Variants in LCMT1 observed in about 807,000 individuals in gnomAD.
LCMT1 encodes leucine carboxyl methyltransferase 1.
In LCMT1, 32 loss-of-function variants were observed where a neutral mutation model predicts 47.7. That is an observed-to-expected ratio of 0.67 (90% CI 0.51 to 0.90). LCMT1 has a LOEUF of 0.90. LCMT1 is among the 40% of genes least tolerant of loss of function. The pLI, the probability that LCMT1 is intolerant of heterozygous loss-of-function variation, is 0.00. For missense variants in LCMT1, 375 were observed against 415.2 expected, an observed-to-expected ratio of 0.90 and a Z score of 0.84; for synonymous variants, 152 against 149.7, an observed-to-expected ratio of 1.02 and a Z score of -0.11.
chr16:25,154,909 T>G (rs916276284), intron 5 of LCMT1, among the ~76,000 whole-genome samples: 2 of 152,098 alleles, frequency 1.3e-5, no homozygotes, highest in Non-Finnish European at 1.5e-5. Context: ...TCTTTATAGT[T>G]TTTGATTGTG....
intron 7 of LCMT1, 52 bp from the exon 8 acceptor site, chr16:25,169,060 G>C: frequency 1.6e-6 from 2 of 1,235,514 alleles, no homozygotes; most frequent in Non-Finnish European, 2.4e-6. Context: ...GTTTTATTTT[G>C]CATATTTAGG....
chr16:25,112,099 G>A (rs1959638665), intron 1 of LCMT1, 103 bp downstream of exon 1: 2 of 779,668 alleles, frequency 2.6e-6, no homozygotes, highest in African/African-American at 1.7e-5. Context: ...CAGGGATGCA[G>A]CCCCCGCCTC....
intron 1 of LCMT1, 87 bp downstream of exon 1, chr16:25,112,083 G>C: frequency 1.1e-6 from 1 of 880,874 alleles, no homozygotes; most frequent in Non-Finnish European, 1.9e-6. Flanking sequence ...ATACGCTCAA[G>C]GCTGGCAGGG....
chr16:25,118,471 A>G (rs577131984), intron 1 of LCMT1, among the ~76,000 whole-genome samples: 34 of 152,240 alleles, frequency 2.2e-4, no homozygotes, highest in East Asian at 1.9e-3. Context: ...GACCCTGCCA[A>G]TGCAGAAGTG....
intron 1 of LCMT1, among the ~76,000 whole-genome samples, chr16:25,124,484 C>T (rs1960097371): frequency 6.6e-6 from 1 of 152,196 alleles, no homozygotes; most frequent in Admixed American, 6.5e-5. Context: ...TCAAGCCTGC[C>T]TTGTAGGATC....
chr16:25,140,007 A>C, intron 3 of LCMT1, 164 bp from the exon 4 acceptor site: 1 of 601,298 alleles, frequency 1.7e-6, no homozygotes, highest in Non-Finnish European at 3.0e-6. Flanking sequence ...TGCTTCCCTC[A>C]AATCTATTCT....
intron 1 of LCMT1, among the ~76,000 whole-genome samples, chr16:25,117,034 T>C (rs771233916): frequency 3.9e-5 from 6 of 152,098 alleles, no homozygotes; most frequent in Non-Finnish European, 8.8e-5. Context: ...GGTTAGAATT[T>C]AGAAAGCTGC....
At chr16:25,169,664 G>A (rs1961694227) in intron 8 of LCMT1, 1 of 158,124 alleles carries the variant, frequency 6.3e-6, no homozygotes, top group Non-Finnish European at 1.4e-5. Context: ...CCAGGATGAT[G>A]ATAATACCAT....
chr16:25,114,557 C>T (rs2141619612), intron 1 of LCMT1, among the ~76,000 whole-genome samples: 1 of 152,242 alleles, frequency 6.6e-6, no homozygotes, highest in South Asian at 2.1e-4. Flanking sequence ...CATGCTATGC[C>T]ACTGAGTCTG....
At chr16:25,164,561 TAAC>T (rs1313245805) in intron 6 of LCMT1, 34 bp from the exon 7 acceptor site, 4 of 1,613,546 alleles carry the variant, frequency 2.5e-6, no homozygotes, top group Non-Finnish European at 3.4e-6. Flanking sequence ...GACTTGATGA[TAAC>T]AAATTTATGT....
intron 4 of LCMT1, 50 bp from the exon 5 acceptor site, chr16:25,151,504 A>G (rs769723072): frequency 2.1e-6 from 3 of 1,456,886 alleles, no homozygotes; most frequent in East Asian, 2.3e-5. Context: ...TCATGAGTAA[A>G]TTGAGGAGCA....
intron 9 of LCMT1, among the ~76,000 whole-genome samples, chr16:25,172,238 C>T (rs1056035239): frequency 1.0e-4 from 15 of 150,264 alleles, no homozygotes; most frequent in Middle Eastern, 3.4e-3. Context: ...ACCTGGGAGG[C>T]GGAGGTTGCA....
In LCMT1 at chr16:25,169,161, G is replaced by T. The variant is rs780532018; in HGVS notation, c.740G>T (p.Arg247Ile). 5 of 1,613,680 alleles carry T rather than the reference G, an allele frequency of 3.1e-6. No homozygotes were observed. In the South Asian group the frequency reaches 5.5e-5, roughly 18 times the overall value. ...FGQIMIENLR[R>I]RQCDLAGVET... ...CAGATCATGATTGAAAACCTGCGGA[G>T]ACGCCAGTGTGACCTGGCGGGAGTG... The change falls in exon 8 of 11, where the codon AGA becomes ATA. Residue 247 changes from arginine to isoleucine, a missense_variant. Transcript: ENST00000399069.
intron 6 of LCMT1, among the ~76,000 whole-genome samples, chr16:25,162,270 C>T (rs528868062): frequency 6.6e-6 from 1 of 152,144 alleles, no homozygotes; most frequent in South Asian, 2.1e-4. Flanking sequence ...CTTCACTTCT[C>T]TGCATCTGTT....
intron 1 of LCMT1, among the ~76,000 whole-genome samples, chr16:25,127,927 C>G (rs1960235622): frequency 6.6e-6 from 1 of 152,168 alleles, no homozygotes; most frequent in Admixed American, 6.6e-5. Flanking sequence ...TGGCATTTTC[C>G]ACATTGTTTT....
chr16:25,175,319 T>G (rs1961897084), intron 10 of LCMT1, among the ~76,000 whole-genome samples: 1 of 151,934 alleles, frequency 6.6e-6, no homozygotes, highest in Non-Finnish European at 1.5e-5. Flanking sequence ...CTAAGGCTGG[T>G]CTTGAATTCC....
chr16:25,119,095 T>C (rs1228437688), intron 1 of LCMT1, among the ~76,000 whole-genome samples: 1 of 152,050 alleles, frequency 6.6e-6, no homozygotes, highest in African/African-American at 2.4e-5. Context: ...TGGATCAGGA[T>C]AGTGGTGATG....
At chr16:25,123,803 T>G (rs903809932) in intron 1 of LCMT1, among the ~76,000 whole-genome samples, 2 of 151,588 alleles carry the variant, frequency 1.3e-5, no homozygotes, top group Non-Finnish European at 2.9e-5. Context: ...GAGACGGAGT[T>G]TCACCATGTT....
At chr16:25,148,375 C>G (rs183048994) in intron 4 of LCMT1, 1 of 152,220 alleles carries the variant, frequency 6.6e-6, no homozygotes, top group Non-Finnish European at 1.5e-5. Flanking sequence ...AAGGCAGCAC[C>G]CAGAGTCCGT....
Sources: gnomAD v4.1 joint callset for allele counts (sites outside exome capture counted in the v4.1 genomes callset) on GRCh38, gnomAD v4.1.1 for gene constraint, MANE v1.5 for transcripts, NCBI Gene and HGNC (gene_info 2026-07-23, HGNC 2026-07-21) for gene names.